The following MAGI2 variants were observed in gnomAD, a reference collection of about 807,000 sequenced individuals.
MAGI2 encodes the protein membrane-associated guanylate kinase, WW and PDZ domain-containing protein 2.
In MAGI2, 35 loss-of-function variants were observed where a neutral mutation model predicts 133.3. The observed-to-expected ratio is 0.26, with a 90% confidence interval of 0.20 to 0.35. The LOEUF is 0.35. Among genes scored for constraint, MAGI2 ranks in the 10% least tolerant of loss-of-function variants. The pLI, the probability that MAGI2 is intolerant of heterozygous loss-of-function variation, is 1.00. For missense variants in MAGI2, 1,636 were observed against 1,863.4 expected, an observed-to-expected ratio of 0.88 and a Z score of 2.25; for synonymous variants, 729 against 710.6, an observed-to-expected ratio of 1.03 and a Z score of -0.41.
rs1017083648 is a variant in MAGI2 at position 78,310,268 on chromosome 7, C to A, written c.1408+33510G>T. The stretch of plus-strand genomic sequence containing the variant: ...TGGCCAACATGGTGAAACCCCGTCT[C>A]TACTAAAAATACAAAAATTAGCTGG... On this transcript the variant is annotated intron_variant, in intron 9 of 21. Transcript: ENST00000354212. Among the ~76,000 whole-genome samples the A allele has an allele frequency of 1.3e-4, 19 of 151,994 alleles. 1 individual carries two copies. The highest frequency in any genetic ancestry group is 7.9e-4 in the Admixed American group (12 of 15,250).
chr7:78,478,111 C>T (rs1198283037), intron 6 of MAGI2, among the ~76,000 whole-genome samples: 1 of 151,610 alleles, frequency 6.6e-6, no homozygotes, highest in Non-Finnish European at 1.5e-5. Flanking sequence ...GTGTGATGTT[C>T]CCCTCCCTGT....
chr7:78,052,863 G>T (rs539742300), intron 21 of MAGI2, among the ~76,000 whole-genome samples: 6 of 151,882 alleles, frequency 4.0e-5, no homozygotes, highest in African/African-American at 1.5e-4. Flanking sequence ...TTTTTGGTAG[G>T]ATTTTTTTAA....
At chr7:78,903,172 CTTTTTTTTTTTTTTTTTT>C (rs10526268) in intron 2 of MAGI2, among the ~76,000 whole-genome samples, 578 of 56,078 alleles carry the variant, frequency 0.01, 3 homozygotes, top group East Asian at 0.099. Context: ...GTTCCTGAAT[CTTTTTTTTTTTTTTTTTT>C]TTTTTTTTTT....
At chr7:78,827,391 G>A (rs1158852602) in intron 2 of MAGI2, among the ~76,000 whole-genome samples, 2 of 152,074 alleles carry the variant, frequency 1.3e-5, no homozygotes, top group African/African-American at 4.8e-5. Context: ...TAATCCTCCT[G>A]CCTCAGCCTC....
At chr7:78,760,023 A>G (rs765898941) in intron 2 of MAGI2, among the ~76,000 whole-genome samples, 15 of 152,060 alleles carry the variant, frequency 9.9e-5, no homozygotes, top group Non-Finnish European at 1.9e-4. Context: ...GCTGAGGCAG[A>G]AGAATTGCTT....
Position 79,263,875 on chromosome 7 carries a change from C to A in MAGI2, c.301+189145G>T, listed in dbSNP as rs561133627. 2.6e-5 allele frequency among the ~76,000 whole-genome samples: 4 copies of A among 152,024 alleles called. No individual in the cohort carries two copies. In the East Asian group the frequency reaches 5.8e-4, roughly 22 times the overall value. On this transcript the variant is annotated intron_variant, in intron 1 of 21. Transcript: ENST00000354212. ...TTTGTGTTTAGAGATTTAATCATTTCGTTTAGAAAAAAATACTGAAAAAGC... is the reference window on the plus strand; with the variant it reads ...TTTGTGTTTAGAGATTTAATCATTTAGTTTAGAAAAAAATACTGAAAAAGC...
intron 2 of MAGI2, among the ~76,000 whole-genome samples, chr7:78,670,093 A>G (rs1464231665): frequency 6.6e-6 from 1 of 151,604 alleles, no homozygotes; most frequent in Non-Finnish European, 1.5e-5. Context: ...AGGAGAAGGA[A>G]ATAAAAGGTA....
intron 10 of MAGI2, among the ~76,000 whole-genome samples, chr7:78,217,388 T>C (rs1402423897): frequency 1.3e-5 from 2 of 152,170 alleles, no homozygotes; most frequent in African/African-American, 2.4e-5. Context: ...GTACCTAGTG[T>C]AGGGTAGGTG....
At chr7:79,116,816 G>A (rs1250471622) in intron 1 of MAGI2, among the ~76,000 whole-genome samples, 3 of 152,146 alleles carry the variant, frequency 2.0e-5, no homozygotes, top group Admixed American at 2.0e-4. Context: ...TGCTCCCCCT[G>A]TCACCATATG....
chr7:78,360,831 T>C (rs1198702315), intron 7 of MAGI2, among the ~76,000 whole-genome samples: 1 of 152,190 alleles, frequency 6.6e-6, no homozygotes, highest in Non-Finnish European at 1.5e-5. Flanking sequence ...CACAAGGCCA[T>C]TCTCGAGTTC....
chr7:78,184,153 T>G (rs756917384), intron 13 of MAGI2, among the ~76,000 whole-genome samples: 30 of 152,228 alleles, frequency 2.0e-4, no homozygotes, highest in Non-Finnish European at 4.3e-4. Flanking sequence ...TTAAGACATG[T>G]GCTTTTTGTG....
intron 7 of MAGI2, among the ~76,000 whole-genome samples, chr7:78,366,350 A>G (rs1166578765): frequency 6.6e-6 from 1 of 152,164 alleles, no homozygotes; most frequent in African/African-American, 2.4e-5. Flanking sequence ...GAAAATGTGG[A>G]GATAGCAACT....
chr7:78,797,066 C>A (rs1787678607), intron 2 of MAGI2, among the ~76,000 whole-genome samples: 1 of 152,028 alleles, frequency 6.6e-6, no homozygotes, highest in Admixed American at 6.6e-5. Context: ...GTATTCGATA[C>A]TACAGCAGGA....
chr7:79,268,821 G>A (rs926667775), intron 1 of MAGI2, among the ~76,000 whole-genome samples: 11 of 152,136 alleles, frequency 7.2e-5, no homozygotes, highest in East Asian at 1.9e-4. Context: ...TTCACAGGGG[G>A]TCGCTGTGCT....
intron 2 of MAGI2, among the ~76,000 whole-genome samples, chr7:78,814,965 C>T (rs966867474): frequency 5.9e-5 from 9 of 152,094 alleles, no homozygotes; most frequent in Non-Finnish European, 1.2e-4. Context: ...TGGCTTCAAG[C>T]AATCTTCCTA....
intron 21 of MAGI2, among the ~76,000 whole-genome samples, chr7:78,069,539 GGA>G (rs3840607): frequency 0.19 from 25,380 of 134,404 alleles, 2,255 homozygotes; most frequent in Middle Eastern, 0.22. Context: ...GAAAGAGAGA[GGA>G]GAGAGAGAGA....
At chr7:78,602,126 A>G (rs977556681) in intron 3 of MAGI2, among the ~76,000 whole-genome samples, 1 of 152,008 alleles carries the variant, frequency 6.6e-6, no homozygotes, top group African/African-American at 2.4e-5. Flanking sequence ...TCTCTTCTCC[A>G]TACATTATAA....
intron 2 of MAGI2, among the ~76,000 whole-genome samples, chr7:78,871,859 ATAAT>A (rs1449992545): frequency 2.0e-5 from 3 of 152,112 alleles, no homozygotes; most frequent in African/African-American, 7.2e-5. Flanking sequence ...GAAACACTGA[ATAAT>A]TAGGAAAGAT....
chr7:78,300,637 C>T (rs1797746043), intron 9 of MAGI2, among the ~76,000 whole-genome samples: 1 of 152,214 alleles, frequency 6.6e-6, no homozygotes, highest in Non-Finnish European at 1.5e-5. Flanking sequence ...AAGTTAATTT[C>T]TCTACTTTCC....
Sources: gnomAD v4.1 joint callset for allele counts (sites outside exome capture counted in the v4.1 genomes callset) on GRCh38, gnomAD v4.1.1 for gene constraint, MANE v1.5 for transcripts, NCBI Gene and HGNC (gene_info 2026-07-23, HGNC 2026-07-21) for gene names.